The following PDCD1LG2 variants were observed in gnomAD, a reference collection of about 807,000 sequenced individuals.
PDCD1LG2 encodes programmed cell death 1 ligand 2.
A neutral mutation model predicts 28.2 loss-of-function variants in PDCD1LG2; 32 were observed. The observed-to-expected ratio is 1.13, with a 90% confidence interval of 0.86 to 1.52. The LOEUF is 1.52. Ranked by LOEUF, PDCD1LG2 falls within the 40% of genes most tolerant of loss-of-function variation. The pLI is 0.00. For synonymous variants in PDCD1LG2, 116 were observed against 120.2 expected (o/e 0.97, Z 0.23); for missense variants, 385 against 323.8 (o/e 1.19, Z -1.45).
In PDCD1LG2 at chr9:5,547,920, G is replaced by A. The variant is rs560992138; in HGVS notation, c.362-1415G>A. The stretch of plus-strand genomic sequence containing the variant: ...GCTGTTGCACTCCAGCCTGGGTGAC[G>A]AGCGAAACTCTGTCTCAAAAAAAAA... On this transcript the variant is annotated intron_variant, in intron 3 of 6. Coordinates refer to ENST00000397747, the MANE Select transcript of PDCD1LG2 (RefSeq NM_025239.4). Among the ~76,000 whole-genome samples, 6 of 139,230 alleles carry A rather than the reference G, an allele frequency of 4.3e-5. No individual in the cohort carries two copies. The South Asian group carries it at 6.7e-4, about 16-fold the overall frequency. 91.3% of individuals were successfully genotyped at this position (139,230 alleles called of 152,430 possible).
chr9:5,570,100 A>T lies in PDCD1LG2; in HGVS notation c.*141A>T. The T allele has an allele frequency of 9.5e-7, 1 of 1,051,102 alleles. No homozygotes were observed. The highest frequency in any genetic ancestry group is 2.4e-5 in the East Asian group (1 of 41,936). The allele number at this position is 1,051,102 out of a possible 1,614,324, so 65.1% of individuals were successfully genotyped here. A position where few individuals can be genotyped will look rare whatever the true frequency, so the allele number is the denominator to read the frequency against. ...GGATGACCCAGCACTTTAATCTGAAACCTGCAACAAGACTAGCCAACACCT... is the reference window on the plus strand; with the variant it reads ...GGATGACCCAGCACTTTAATCTGAATCCTGCAACAAGACTAGCCAACACCT... On this transcript the variant is annotated 3_prime_UTR_variant, in exon 7 of 7. Coordinates refer to ENST00000397747, the MANE Select transcript of PDCD1LG2 (RefSeq NM_025239.4).
At chr9:5,564,539 G>A (rs986756933) in intron 6 of PDCD1LG2, among the ~76,000 whole-genome samples, 1 of 152,146 alleles carries the variant, frequency 6.6e-6, no homozygotes, top group Admixed American at 6.5e-5. Flanking sequence ...AATACCTAAT[G>A]AGGAATTTAA....
In PDCD1LG2 at chr9:5,570,092, A is replaced by G; in HGVS notation, c.*133A>G. Reference sequence around the variant, plus strand: ...ATGCCTTTGGATGACCCAGCACTTTAATCTGAAACCTGCAACAAGACTAGC... The same window carrying G: ...ATGCCTTTGGATGACCCAGCACTTTGATCTGAAACCTGCAACAAGACTAGC... On this transcript the variant is annotated 3_prime_UTR_variant, in exon 7 of 7. Coordinates refer to ENST00000397747, the MANE Select transcript of PDCD1LG2 (RefSeq NM_025239.4). 2 of 1,130,250 alleles carry G rather than the reference A, an allele frequency of 1.8e-6. No homozygotes were observed. Among genetic ancestry groups the G allele is most frequent in the Non-Finnish European group, 2.7e-6 (2 of 753,818 alleles). 70.0% of individuals were successfully genotyped at this position (1,130,250 alleles called of 1,614,324 possible).
At position 5,570,866 on chromosome 9, in the gene PDCD1LG2, C is replaced by A. The variant is rs144265357; in HGVS notation, c.*907C>A. On this transcript the variant is annotated 3_prime_UTR_variant, in exon 7 of 7. Transcript: ENST00000397747. The stretch of plus-strand genomic sequence containing the variant: ...TTTGACTTTTCAGTGCCTCAGTTTG[C>A]ACATCTGTAATACAGCAATGCTAAG... The A allele has an allele frequency of 5.6e-4, 131 of 232,788 alleles. No homozygotes were observed. Among genetic ancestry groups the A allele is most frequent in the African/African-American group, 2.8e-3 (125 of 45,424 alleles). 14.4% of individuals were successfully genotyped at this position (232,788 alleles called of 1,614,324 possible).
At chr9:5,532,804 G>A (rs1003372834) in intron 2 of PDCD1LG2, among the ~76,000 whole-genome samples, 4 of 152,190 alleles carry the variant, frequency 2.6e-5, no homozygotes, top group African/African-American at 7.2e-5. Flanking sequence ...ATTAAAACAT[G>A]GTACGAAAGA....
In PDCD1LG2 at chr9:5,534,928, T is replaced by C. The variant is rs2129794597; in HGVS notation, c.239T>C (p.Leu80Pro). 1 of 1,614,092 alleles carries C rather than the reference T, an allele frequency of 6.2e-7. No homozygotes were observed. Among genetic ancestry groups the C allele is most frequent in the Non-Finnish European group, 8.5e-7 (1 of 1,179,988 alleles). Residue 80 changes from leucine (L) to proline (P), a missense_variant, in exon 3 of 7, where the codon CTG becomes CCG. Coordinates refer to ENST00000397747, the MANE Select transcript of PDCD1LG2 (RefSeq NM_025239.4). ...RERATLLEEQ[L>P]PLGKASFHIP... ...AGAGCCACTTTGCTGGAGGAGCAGC[T>C]GCCCCTAGGGAAGGCCTCGTTCCAC...
intron 2 of PDCD1LG2, among the ~76,000 whole-genome samples, chr9:5,528,105 C>T (rs1382722198): frequency 2.6e-5 from 4 of 151,868 alleles, no homozygotes; most frequent in Non-Finnish European, 5.9e-5. Context: ...GCTGGGATTA[C>T]AGGCATGAGC....
At chr9:5,555,202 GC>G (rs1816413144) in intron 4 of PDCD1LG2, among the ~76,000 whole-genome samples, 1 of 152,080 alleles carries the variant, frequency 6.6e-6, no homozygotes, top group African/African-American at 2.4e-5. Context: ...ATTGCTTGAG[GC>G]CAGGAGTTCA....
intron 5 of PDCD1LG2, among the ~76,000 whole-genome samples, chr9:5,560,275 A>G (rs1175577724): frequency 1.3e-5 from 2 of 152,186 alleles, no homozygotes; most frequent in Non-Finnish European, 2.9e-5. Context: ...CTCTTATAGC[A>G]TGTACTTCTC....
chr9:5,547,677 C>T (rs1482764773), intron 3 of PDCD1LG2, among the ~76,000 whole-genome samples: 1 of 152,114 alleles, frequency 6.6e-6, no homozygotes, highest in Non-Finnish European at 1.5e-5. Context: ...TGGCTCATGC[C>T]TGTAATCCCA....
chr9:5,537,189 C>T (rs369109019), intron 3 of PDCD1LG2, among the ~76,000 whole-genome samples: 9 of 152,158 alleles, frequency 5.9e-5, no homozygotes, highest in Non-Finnish European at 1.3e-4. Flanking sequence ...ATTGCTGTAA[C>T]GAAACTGCTT....
chr9:5,530,840 T>C lies in PDCD1LG2; in HGVS notation c.56-3905T>C, dbSNP rs184945298. On this transcript the variant is annotated intron_variant, in intron 2 of 6. Coordinates refer to ENST00000397747, the MANE Select transcript of PDCD1LG2 (RefSeq NM_025239.4). ...GTGTTATAACTCTACTTCTCAAACA[T>C]TAATGTGCATGCAAATCACCGTGAC... Among the ~76,000 whole-genome samples, 58 of 152,312 alleles carry C rather than the reference T, an allele frequency of 3.8e-4. No individual in the cohort carries two copies. In the East Asian group the frequency reaches 0.01, roughly 27 times the overall value.
intron 5 of PDCD1LG2, among the ~76,000 whole-genome samples, chr9:5,559,540 C>G (rs990777744): frequency 3.3e-5 from 5 of 152,160 alleles, no homozygotes; most frequent in African/African-American, 9.7e-5. Flanking sequence ...AATTGCCTAT[C>G]TTCTTTGAGA....
intron 5 of PDCD1LG2, among the ~76,000 whole-genome samples, chr9:5,559,993 T>C (rs900628976): frequency 3.0e-4 from 45 of 152,214 alleles, no homozygotes; most frequent in Non-Finnish European, 2.6e-4. Flanking sequence ...GTTGTCCACC[T>C]GAGTTGGAGT....
chr9:5,528,403 G>A (rs537561632), intron 2 of PDCD1LG2, among the ~76,000 whole-genome samples: 1 of 151,672 alleles, frequency 6.6e-6, no homozygotes, highest in East Asian at 1.9e-4. Flanking sequence ...TCAGGCTCAA[G>A]CGATTCTCCC....
rs374835480 is a variant in PDCD1LG2 at position 5,517,422 on chromosome 9, T to A, written c.-14-5111T>A. On this transcript the variant is annotated intron_variant, in intron 1 of 6. Transcript: ENST00000397747. ...CGGTTGGTAGGTCAAAAGCTCCAGA[T>A]AACATCTCTCAGCCCTGCGAACACC... Among the ~76,000 whole-genome samples the A allele has an allele frequency of 3.2e-4, 49 of 152,120 alleles. No homozygotes were observed. The South Asian group carries it at 8.5e-3, about 26-fold the overall frequency.
chr9:5,529,011 G>T (rs573800545), intron 2 of PDCD1LG2, among the ~76,000 whole-genome samples: 1 of 152,236 alleles, frequency 6.6e-6, no homozygotes, highest in African/African-American at 2.4e-5. Flanking sequence ...TTACAGGTGT[G>T]AGCCACTGCC....
chr9:5,569,654 A>T lies in PDCD1LG2; in HGVS notation c.817-300A>T, dbSNP rs921411323. Among the ~76,000 whole-genome samples the T allele has an allele frequency of 6.6e-6, 1 of 152,228 alleles. No individual in the cohort carries two copies. The highest frequency in any genetic ancestry group is 1.5e-5 in the Non-Finnish European group (1 of 68,036). On this transcript the variant is annotated intron_variant, in intron 6 of 6. Transcript: ENST00000397747. This position sits in a 1 kb window ranked among gnomAD's most constrained non-coding sequence, Gnocchi z 4.1. The stretch of plus-strand genomic sequence containing the variant: ...AATATCTGACACAATAGGGAACTAT[A>T]AGAGGTTTTGAATAGGAGAGGCCCC...
chr9:5,563,088 TGCCATATTTTAATCTATAA>T, intron 5 of PDCD1LG2, 55 bp from the exon 6 acceptor site: 1 of 1,178,444 alleles, frequency 8.5e-7, no homozygotes, highest in South Asian at 1.3e-5. Context: ...CTTTTTGTCC[TGCCATATTTTAATCTATAA>T]GCCAAACAGT....
Sources: allele counts gnomAD v4.1 joint callset (sites outside exome capture counted in the v4.1 genomes callset), GRCh38; gene constraint gnomAD v4.1.1; non-coding constraint Gnocchi (gnomAD v3.1); transcripts MANE v1.5; gene names NCBI Gene and HGNC (gene_info 2026-07-23, HGNC 2026-07-21).